The following ST18 variants were observed in gnomAD, a reference collection of about 807,000 sequenced individuals.
ST18 encodes the protein ST18 C2H2C-type zinc finger transcription factor, also known as suppression of tumorigenicity 18 protein.
In ST18, 50 loss-of-function variants were observed where a neutral mutation model predicts 110.0. The ratio of observed to expected loss-of-function variants is 0.45; its 90% confidence interval spans 0.36 to 0.58. The LOEUF is 0.58. ST18 is among the 20% of genes least tolerant of loss of function. The pLI is 0.00. For synonymous variants in ST18, 461 were observed against 452.4 expected, an observed-to-expected ratio of 1.02 and a Z score of -0.24; for missense variants, 1,306 against 1,280.1, an observed-to-expected ratio of 1.02 and a Z score of -0.31.
chr8:52,199,209 C>T (rs1031200697), intron 8 of ST18: 9 of 151,840 alleles, frequency 5.9e-5, no homozygotes, highest in Admixed American at 1.3e-4. Context: ...GGTTCTGAGC[C>T]AGAATCTGTT....
chr8:52,389,619 G>A (rs1256591889), intron 2 of ST18, among the ~76,000 whole-genome samples: 2 of 152,162 alleles, frequency 1.3e-5, no homozygotes, highest in East Asian at 3.9e-4. Flanking sequence ...GCGCAGAGCA[G>A]GGATGGAAAT....
At chr8:52,402,084 A>C (rs573159136) in intron 2 of ST18, among the ~76,000 whole-genome samples, 16 of 152,232 alleles carry the variant, frequency 1.1e-4, no homozygotes, top group African/African-American at 3.9e-4. Flanking sequence ...CAAGTACCTC[A>C]GTGTCTTCGG....
At chr8:52,162,111 T>G (rs2061614384) in intron 13 of ST18, among the ~76,000 whole-genome samples, 1 of 152,120 alleles carries the variant, frequency 6.6e-6, no homozygotes. Flanking sequence ...CTCAGGAGGC[T>G]GAGGCAGGAG....
intron 2 of ST18, among the ~76,000 whole-genome samples, chr8:52,370,751 G>A (rs907757501): frequency 6.6e-6 from 1 of 152,150 alleles, no homozygotes. Flanking sequence ...ATCACCCCTT[G>A]CCTTCAGGGG....
chr8:52,171,769 A>T (rs1416920749), intron 10 of ST18, 23 bp downstream of exon 10: 2 of 1,601,554 alleles, frequency 1.2e-6, no homozygotes, highest in Non-Finnish European at 1.7e-6. Context: ...TATTCCTAAA[A>T]TAAATGCAAA....
chr8:52,155,733 G>T (rs548426946), intron 15 of ST18, among the ~76,000 whole-genome samples: 1 of 152,254 alleles, frequency 6.6e-6, no homozygotes, highest in South Asian at 2.1e-4. Flanking sequence ...AACAACCTCT[G>T]CTCCTATGAT....
chr8:52,327,004 G>A (rs775896672), intron 2 of ST18, among the ~76,000 whole-genome samples: 3 of 152,166 alleles, frequency 2.0e-5, no homozygotes, highest in Non-Finnish European at 4.4e-5. Flanking sequence ...AAGTGCCACC[G>A]GAGAGGGAGC....
rs371097805 is a variant in ST18 at position 52,161,452 on chromosome 8, C to G, written c.1517G>C (p.Ser506Thr). The change falls in exon 14 of 26, where the codon AGT becomes ACT. Residue 506 changes from serine to threonine, a missense_variant. Transcript: ENST00000689386. ...KFGKVPFDYA[S>T]FDAQVFGKRP... is the part of the protein sequence containing the mutation. ...TTTACCGAAAACTTGGGCATCAAAA[C>G]TGGCATAATCAAATGGTACTTTTCC... is the stretch of plus-strand genomic sequence containing the variant. 8 of 1,614,112 alleles carry G rather than the reference C, an allele frequency of 5.0e-6. No individual in the cohort carries two copies. The highest frequency in any genetic ancestry group is 1.3e-5 in the African/African-American group (1 of 74,938).
At chr8:52,282,112 C>T (rs1015086839) in intron 2 of ST18, among the ~76,000 whole-genome samples, 1 of 152,060 alleles carries the variant, frequency 6.6e-6, no homozygotes, top group Non-Finnish European at 1.5e-5. Context: ...GATATGATTC[C>T]AATCACATGC....
chr8:52,356,243 C>G (rs1388596324), intron 2 of ST18, among the ~76,000 whole-genome samples: 1 of 152,078 alleles, frequency 6.6e-6, no homozygotes, highest in Non-Finnish European at 1.5e-5. Flanking sequence ...AAAGGAGTGT[C>G]CCAATACCGG....
chr8:52,242,491 T>G (rs1018411962), intron 2 of ST18, among the ~76,000 whole-genome samples: 1 of 152,208 alleles, frequency 6.6e-6, no homozygotes, highest in Non-Finnish European at 1.5e-5. Flanking sequence ...TGACCTTACC[T>G]TATAGACTGT....
intron 8 of ST18, chr8:52,210,140 A>T (rs1384424727): frequency 4.4e-6 from 2 of 455,916 alleles, no homozygotes; most frequent in Non-Finnish European, 8.8e-6. Context: ...CCAAGAAACC[A>T]CTCCAGGGAC....
Position 52,142,034 on chromosome 8 carries a change from T to A in ST18, c.2168+896A>T, listed in dbSNP as rs111715405. ...CATCCTAGAGGCCAAGTGTAGACAA[T>A]GGATTGTGGAGGAGGGAGATCAGCT... is the stretch of plus-strand genomic sequence containing the variant. On this transcript the variant is annotated intron_variant, in intron 17 of 25. Transcript: ENST00000689386. 3.4e-3 allele frequency among the ~76,000 whole-genome samples: 515 copies of A among 151,826 alleles called. 6 individuals are homozygous for A. Among genetic ancestry groups the A allele is most frequent in the African/African-American group, 0.012 (484 of 41,382 alleles).
At chr8:52,408,587 T>C (rs1353254330) in intron 2 of ST18, among the ~76,000 whole-genome samples, 1 of 152,246 alleles carries the variant, frequency 6.6e-6, no homozygotes, top group East Asian at 1.9e-4. Flanking sequence ...AAGTGGTTAT[T>C]ATGCTTTGCT....
intron 7 of ST18, among the ~76,000 whole-genome samples, chr8:52,213,137 A>C (rs890716970): frequency 4.6e-5 from 7 of 152,206 alleles, no homozygotes; most frequent in African/African-American, 1.7e-4. Flanking sequence ...CTGGAAAATA[A>C]TACAGTATAA....
At chr8:52,169,825 C>G (rs191554161) in intron 10 of ST18, among the ~76,000 whole-genome samples, 2 of 152,314 alleles carry the variant, frequency 1.3e-5, no homozygotes, top group Admixed American at 1.3e-4. Flanking sequence ...TGGTCTTGAT[C>G]TTGCAGAGGC....
intron 2 of ST18, among the ~76,000 whole-genome samples, chr8:52,358,754 G>T (rs1225282277): frequency 6.6e-6 from 1 of 151,786 alleles, no homozygotes; most frequent in South Asian, 2.1e-4. Context: ...CAATATCAGT[G>T]AATTGGCCTG....
chr8:52,133,182 T>G lies in ST18; in HGVS notation c.2364-45A>C, dbSNP rs192943039. The G allele has an allele frequency of 9.4e-5, 152 of 1,614,170 alleles. No homozygotes were observed. In the East Asian group the frequency reaches 3.1e-3, roughly 33 times the overall value. On this transcript the variant is annotated intron_variant, in intron 20 of 25. Transcript: ENST00000689386. ...AAGAACAAAGCAAAATTATGTGATC[T>G]CTCTGACTGCTGCCGACAAGCTCAT... is the stretch of plus-strand genomic sequence containing the variant.
intron 2 of ST18, among the ~76,000 whole-genome samples, chr8:52,388,463 C>G (rs1242294015): frequency 6.6e-6 from 1 of 152,130 alleles, no homozygotes; most frequent in Non-Finnish European, 1.5e-5. Context: ...GCACGTTGCA[C>G]ACGGCTGAGC....
Sources: gnomAD v4.1 joint callset for allele counts (sites outside exome capture counted in the v4.1 genomes callset) on GRCh38, gnomAD v4.1.1 for gene constraint, MANE v1.5 for transcripts, NCBI Gene and HGNC (gene_info 2026-07-23, HGNC 2026-07-21) for gene names.